DYNC2H1: variants seen among roughly 807,000 people sequenced by gnomAD.
DYNC2H1 encodes cytoplasmic dynein 2 heavy chain 1.
In DYNC2H1, 410 loss-of-function variants were observed where a neutral mutation model predicts 570.0. That is an observed-to-expected ratio of 0.72 (90% confidence interval 0.66 to 0.78). The LOEUF is 0.78. Ranked by LOEUF, DYNC2H1 falls within the 30% of genes least tolerant of loss-of-function variation. The pLI is 0.00. For synonymous variants in DYNC2H1, 1,688 were observed against 1,677.6 expected (o/e 1.01, Z -0.15); for missense variants, 4,865 against 5,046.4 (o/e 0.96, Z 1.09).
intron 75 of DYNC2H1, among the ~76,000 whole-genome samples, chr11:103,297,463 T>C (rs927694233): frequency 6.6e-6 from 1 of 152,106 alleles, no homozygotes; most frequent in Non-Finnish European, 1.5e-5. Context: ...GTGAATATCA[T>C]AGAGTGTACG....
rs1201922044 is a variant in DYNC2H1 at position 103,245,065 on chromosome 11, A to G, written c.9919-186A>G. 6.6e-6 allele frequency among the ~76,000 whole-genome samples: 1 copy of G among 151,730 alleles called. No homozygotes were observed. Among genetic ancestry groups the G allele is most frequent in the Non-Finnish European group, 1.5e-5 (1 of 67,910 alleles). ...TCATCTTGCCTTTTTTCCCCATTCAATGTGTGATTCTGAACATAAGCAGAG... is the reference window on the plus strand; with the variant it reads ...TCATCTTGCCTTTTTTCCCCATTCAGTGTGTGATTCTGAACATAAGCAGAG... On this transcript the variant is annotated intron_variant, in intron 64 of 88. Coordinates refer to ENST00000375735, the MANE Select transcript of DYNC2H1 (RefSeq NM_001377.3). The surrounding 1 kb of genome is among the most constrained non-coding windows in gnomAD (Gnocchi z 4.5).
intron 38 of DYNC2H1, 80 bp from the exon 39 acceptor site, chr11:103,178,946 G>C (rs1240980987): frequency 6.0e-6 from 8 of 1,334,650 alleles, no homozygotes; most frequent in East Asian, 2.5e-5. Context: ...TGAAAATTAA[G>C]AATTGTTTTA....
chr11:103,456,785 T>C (rs1164803882), intron 87 of DYNC2H1, among the ~76,000 whole-genome samples: 2 of 152,242 alleles, frequency 1.3e-5, no homozygotes, highest in African/African-American at 4.8e-5. Flanking sequence ...CGTATTTTGG[T>C]CCACATGGGT....
At chr11:103,330,328 C>G (rs570642912) in intron 82 of DYNC2H1, among the ~76,000 whole-genome samples, 10 of 151,926 alleles carry the variant, frequency 6.6e-5, no homozygotes, top group African/African-American at 2.2e-4. Context: ...TTTGTGCAAT[C>G]AAGACAGTTT....
chr11:103,458,448 TTCCAAAA>T (rs1427183838), intron 87 of DYNC2H1, among the ~76,000 whole-genome samples: 1 of 152,158 alleles, frequency 6.6e-6, no homozygotes, highest in African/African-American at 2.4e-5. Flanking sequence ...TATGACTGTA[TTCCAAAA>T]TTCAAAAAAA....
intron 78 of DYNC2H1, among the ~76,000 whole-genome samples, chr11:103,310,847 C>T (rs946685411): frequency 6.6e-6 from 1 of 151,386 alleles, no homozygotes; most frequent in Non-Finnish European, 1.5e-5. Context: ...TGCACCACCA[C>T]ACCTGGCTAA....
At chr11:103,360,204 C>T (rs970008884) in intron 83 of DYNC2H1, among the ~76,000 whole-genome samples, 1 of 151,454 alleles carries the variant, frequency 6.6e-6, no homozygotes. Flanking sequence ...CATAATTTCC[C>T]CTAAAATAAA....
chr11:103,189,526 C>A lies in DYNC2H1; in HGVS notation c.7293-146C>A. 1 of 702,566 alleles carries A rather than the reference C, an allele frequency of 1.4e-6. No homozygotes were observed. Among genetic ancestry groups the A allele is most frequent in the East Asian group, 2.8e-5 (1 of 36,316 alleles). The allele number at this position is 702,566 out of a possible 1,614,324, so 43.5% of individuals were successfully genotyped here. Reference sequence around the variant, plus strand: ...ATGAGAATGGATCGGGGCGATGAGCCTAGTCTTAGCCCCCTGGGTAAGCTT... The same window carrying A: ...ATGAGAATGGATCGGGGCGATGAGCATAGTCTTAGCCCCCTGGGTAAGCTT... On this transcript the variant is annotated intron_variant, in intron 44 of 88. Coordinates refer to ENST00000375735, the MANE Select transcript of DYNC2H1 (RefSeq NM_001377.3). The surrounding 1 kb of genome is among the most constrained non-coding windows in gnomAD (Gnocchi z 4.3).
At chr11:103,421,961 AAAG>A (rs1943504588) in intron 84 of DYNC2H1, among the ~76,000 whole-genome samples, 1 of 152,068 alleles carries the variant, frequency 6.6e-6, no homozygotes, top group Non-Finnish European at 1.5e-5. Flanking sequence ...ATAAAGAAGA[AAAG>A]AGAGAAGAAT....
chr11:103,121,277 T>G, intron 9 of DYNC2H1, 95 bp from the exon 10 acceptor site: 1 of 1,372,968 alleles, frequency 7.3e-7, no homozygotes, highest in East Asian at 2.5e-5. Flanking sequence ...TTATTTTTCT[T>G]TCTACAGCAT....
chr11:103,409,298 A>C (rs1468831677), intron 84 of DYNC2H1, among the ~76,000 whole-genome samples: 1 of 152,064 alleles, frequency 6.6e-6, no homozygotes, highest in Non-Finnish European at 1.5e-5. Flanking sequence ...GGTTTGATGT[A>C]AGCTTATGTG....
At position 103,186,157 on chromosome 11, in the gene DYNC2H1, C is replaced by A; in HGVS notation, c.6634-85C>A. 7.5e-7 allele frequency: 1 copy of A among 1,329,950 alleles called. No homozygotes were observed. 82.4% of individuals were successfully genotyped at this position (1,329,950 alleles called of 1,614,324 possible). On this transcript the variant is annotated intron_variant, in intron 41 of 88. Transcript: ENST00000375735. The surrounding 1 kb of genome is among the most constrained non-coding windows in gnomAD (Gnocchi z 4.5). Reference sequence around the variant, plus strand: ...GTTTTCTTGGAACTAAGATGATTTACTTTTGGGATATTTACTTGGAAGAAT... The same window carrying A: ...GTTTTCTTGGAACTAAGATGATTTAATTTTGGGATATTTACTTGGAAGAAT...
chr11:103,203,554 T>G lies in DYNC2H1; in HGVS notation c.8198-109T>G, dbSNP rs1356765199. ...GTGAGTCAAGTAGAGGTAATAAAGT[T>G]TGTATATTTTTGGAAATAAAGATTG... On this transcript the variant is annotated intron_variant, in intron 50 of 88. Coordinates refer to ENST00000375735, the MANE Select transcript of DYNC2H1 (RefSeq NM_001377.3). This position sits in a 1 kb window ranked among gnomAD's most constrained non-coding sequence, Gnocchi z 4.7. 17 of 660,404 alleles carry G rather than the reference T, an allele frequency of 2.6e-5. No individual in the cohort carries two copies. The East Asian group carries it at 4.2e-4, about 16-fold the overall frequency. The allele number at this position is 660,404 out of a possible 1,614,324, so 40.9% of individuals were successfully genotyped here. A position where few individuals can be genotyped will look rare whatever the true frequency, so the allele number is the denominator to read the frequency against.
At chr11:103,259,764 C>T (rs1865195916) in intron 69 of DYNC2H1, 124 bp from the exon 70 acceptor site, 2 of 594,484 alleles carry the variant, frequency 3.4e-6, no homozygotes. Context: ...CTTGTTTAGT[C>T]CCTTGAATTT....
chr11:103,355,947 T>C (rs1011721672), intron 82 of DYNC2H1, among the ~76,000 whole-genome samples: 9 of 152,128 alleles, frequency 5.9e-5, no homozygotes, highest in Admixed American at 5.9e-4. Context: ...TAGCCTCAAG[T>C]GATCCCCCCA....
At chr11:103,416,543 A>G (rs576069212) in intron 84 of DYNC2H1, among the ~76,000 whole-genome samples, 2 of 152,328 alleles carry the variant, frequency 1.3e-5, no homozygotes, top group African/African-American at 4.8e-5. Context: ...AAACCTGACA[A>G]AAGACGAGCA....
intron 45 of DYNC2H1, among the ~76,000 whole-genome samples, chr11:103,190,941 T>C (rs972130623): frequency 4.0e-5 from 6 of 148,800 alleles, no homozygotes; most frequent in Admixed American, 2.7e-4. Context: ...AATTCTTCTG[T>C]TCAGCAGGGC....
At chr11:103,156,082 C>G (rs1300608904) in intron 25 of DYNC2H1, among the ~76,000 whole-genome samples, 1 of 152,030 alleles carries the variant, frequency 6.6e-6, no homozygotes, top group Non-Finnish European at 1.5e-5. Flanking sequence ...ATAAACCAAA[C>G]TAGTTTTGTC....
chr11:103,406,321 T>A (rs1942863827), intron 84 of DYNC2H1: 1 of 151,990 alleles, frequency 6.6e-6, no homozygotes, highest in African/African-American at 2.4e-5. Flanking sequence ...CATTTTATTT[T>A]CATATTATTA....
Sources: gnomAD v4.1 joint callset for allele counts (sites outside exome capture counted in the v4.1 genomes callset) on GRCh38, gnomAD v4.1.1 for gene constraint, Gnocchi (gnomAD v3.1) non-coding constraint, MANE v1.5 for transcripts, NCBI Gene and HGNC (gene_info 2026-07-23, HGNC 2026-07-21) for gene names.